The following CTNNBL1 variants were observed in gnomAD, a reference collection of about 807,000 sequenced individuals.
CTNNBL1 encodes beta-catenin-like protein 1.
CTNNBL1 carries 31 observed loss-of-function variants against 72.7 expected under a neutral mutation model. The observed-to-expected ratio is 0.43, with a 90% confidence interval of 0.32 to 0.58. The LOEUF (loss-of-function observed/expected upper bound fraction) is 0.58. Among genes scored for constraint, CTNNBL1 ranks in the 20% least tolerant of loss-of-function variants. The probability of loss-of-function intolerance (pLI) is 0.08; values close to 1 mark genes in which losing one functional copy is unlikely to be tolerated. For synonymous variants in CTNNBL1, 240 were observed against 267.3 expected, an observed-to-expected ratio of 0.90 and a Z score of 1.00; for missense variants, 534 against 725.1, an observed-to-expected ratio of 0.74 and a Z score of 3.03.
At chr20:37,863,428 C>G (rs536340959) in intron 15 of CTNNBL1, among the ~76,000 whole-genome samples, 1 of 152,114 alleles carries the variant, frequency 6.6e-6, no homozygotes, top group Non-Finnish European at 1.5e-5. Context: ...GCTAAGCACC[C>G]GTCAAGTTGT....
At chr20:37,864,765 G>T (rs148832948) in intron 15 of CTNNBL1, among the ~76,000 whole-genome samples, 117 of 152,322 alleles carry the variant, frequency 7.7e-4, no homozygotes, top group South Asian at 6.6e-3. Context: ...TCGGCACCCT[G>T]ACTGGCAGAG....
intron 13 of CTNNBL1, among the ~76,000 whole-genome samples, chr20:37,846,153 G>A (rs1251111113): frequency 6.6e-6 from 1 of 151,704 alleles, no homozygotes; most frequent in African/African-American, 2.4e-5. Context: ...CGGGGAGTGG[G>A]GAGAGGTCAT....
chr20:37,733,019 A>G lies in CTNNBL1; in HGVS notation c.171A>G (p.Lys57=). The G allele has an allele frequency of 6.2e-7, 1 of 1,613,968 alleles. No individual in the cohort carries two copies. Among genetic ancestry groups the G allele is most frequent in the Non-Finnish European group, 8.5e-7 (1 of 1,180,014 alleles). The change falls in exon 2 of 16, where the codon AAA becomes AAG. Residue 57 remains lysine (K), a synonymous_variant. Transcript: ENST00000361383. ...TGGAGGAAGCGGATGATGACAAAAA[A>G]AGGCTGCTGCAGATTATTGACAGAG... The part of the protein sequence containing the change: ...TVVEEADDDK[K]RLLQIIDRDG...
chr20:37,708,606 G>A (rs192087377), intron 1 of CTNNBL1, among the ~76,000 whole-genome samples: 6 of 152,298 alleles, frequency 3.9e-5, no homozygotes, highest in African/African-American at 1.4e-4. Context: ...AGCAGTGACT[G>A]ATCTGAAAAT....
intron 11 of CTNNBL1, among the ~76,000 whole-genome samples, chr20:37,815,507 G>A (rs539146979): frequency 1.3e-5 from 2 of 152,000 alleles, no homozygotes; most frequent in South Asian, 4.1e-4. Context: ...TGGTAGAGAC[G>A]GGGTTTCACC....
chr20:37,808,557 G>A (rs2122747586), intron 11 of CTNNBL1, among the ~76,000 whole-genome samples: 1 of 152,282 alleles, frequency 6.6e-6, no homozygotes, highest in African/African-American at 2.4e-5. Flanking sequence ...CTTGTCCTGG[G>A]GGAGACTGCT....
chr20:37,715,237 C>T (rs569536015), intron 1 of CTNNBL1, among the ~76,000 whole-genome samples: 20 of 152,270 alleles, frequency 1.3e-4, no homozygotes, highest in South Asian at 2.1e-4. Context: ...TGACGGGCAG[C>T]GTTTGAGTCC....
intron 10 of CTNNBL1, among the ~76,000 whole-genome samples, chr20:37,779,979 C>G (rs1431766080): frequency 6.6e-6 from 1 of 151,572 alleles, no homozygotes; most frequent in Admixed American, 6.6e-5. Flanking sequence ...GTTGATAACT[C>G]TTGAGACCCT....
intron 1 of CTNNBL1, among the ~76,000 whole-genome samples, chr20:37,731,823 G>A (rs6020528): frequency 5.3e-5 from 8 of 152,110 alleles, no homozygotes; most frequent in South Asian, 2.1e-4. Flanking sequence ...ATCTAGTGAC[G>A]GACACATAGG....
intron 1 of CTNNBL1, among the ~76,000 whole-genome samples, chr20:37,704,380 T>C (rs910885755): frequency 1.1e-4 from 16 of 152,142 alleles, no homozygotes; most frequent in African/African-American, 3.4e-4. Flanking sequence ...TCTCCATCCC[T>C]TCCTTTCTGT....
At chr20:37,833,307 T>C (rs913502785) in intron 11 of CTNNBL1, among the ~76,000 whole-genome samples, 1 of 152,178 alleles carries the variant, frequency 6.6e-6, no homozygotes, top group African/African-American at 2.4e-5. Context: ...TAATCATCCT[T>C]GAGAAGCCCT....
intron 10 of CTNNBL1, among the ~76,000 whole-genome samples, chr20:37,780,067 TA>T (rs950057271): frequency 3.8e-4 from 54 of 143,380 alleles, no homozygotes; most frequent in Admixed American, 4.2e-4. Flanking sequence ...TCAAGGGACT[TA>T]AAAAAAAAAA....
chr20:37,836,679 G>C (rs2235473), intron 11 of CTNNBL1, among the ~76,000 whole-genome samples: 124,536 of 152,134 alleles, frequency 0.82, 51,026 homozygotes, highest in Middle Eastern at 0.89. Context: ...GTTAGGGAGG[G>C]TGTGTTGTTT....
intron 13 of CTNNBL1, among the ~76,000 whole-genome samples, chr20:37,844,295 C>T (rs2072329078): frequency 6.6e-6 from 1 of 152,190 alleles, no homozygotes; most frequent in Non-Finnish European, 1.5e-5. Context: ...CTTTAAATCA[C>T]TGCTTGTCAC....
At chr20:37,726,718 G>A (rs1367525281) in intron 1 of CTNNBL1, among the ~76,000 whole-genome samples, 1 of 152,126 alleles carries the variant, frequency 6.6e-6, no homozygotes, top group Non-Finnish European at 1.5e-5. Context: ...TTTCTCATTA[G>A]AATTGGACAT....
intron 11 of CTNNBL1, among the ~76,000 whole-genome samples, chr20:37,823,741 C>A (rs974645156): frequency 1.3e-5 from 2 of 152,040 alleles, no homozygotes; most frequent in Admixed American, 1.3e-4. Flanking sequence ...CTGTGGTGTT[C>A]GGCTCTCCTG....
intron 7 of CTNNBL1, among the ~76,000 whole-genome samples, chr20:37,773,424 A>G (rs1384570961): frequency 6.6e-6 from 1 of 152,244 alleles, no homozygotes; most frequent in Non-Finnish European, 1.5e-5. Flanking sequence ...GTACATGCTG[A>G]GTACAAACCT....
intron 10 of CTNNBL1, among the ~76,000 whole-genome samples, chr20:37,784,778 A>G (rs2122702332): frequency 6.6e-6 from 1 of 152,238 alleles, no homozygotes; most frequent in East Asian, 1.9e-4. Context: ...ATACGCCACA[A>G]TTACAGTGTT....
chr20:37,861,289 T>G (rs2122863614), intron 15 of CTNNBL1, among the ~76,000 whole-genome samples: 1 of 152,292 alleles, frequency 6.6e-6, no homozygotes, highest in East Asian at 1.9e-4. Context: ...TGGACCTGAC[T>G]CAGCTGGAGA....
Sources: gnomAD v4.1 joint callset for allele counts (sites outside exome capture counted in the v4.1 genomes callset) on GRCh38, gnomAD v4.1.1 for gene constraint, MANE v1.5 for transcripts, NCBI Gene and HGNC (gene_info 2026-07-23, HGNC 2026-07-21) for gene names.